The following CIB1 variants were observed in gnomAD, a reference collection of about 807,000 sequenced individuals.
The protein encoded by CIB1 is calcium and integrin-binding protein 1.
In CIB1, 19 loss-of-function variants were observed where a neutral mutation model predicts 25.0. That is an observed-to-expected ratio of 0.76 (90% CI 0.53 to 1.12). The LOEUF is 1.12. Among genes scored for constraint, CIB1 ranks in the 50% most tolerant of loss-of-function variants. The pLI is 0.00. For missense variants in CIB1, 236 were observed against 242.6 expected (o/e 0.97, Z 0.18); for synonymous variants, 104 against 98.5 (o/e 1.06, Z -0.33).
Position 90,230,941 on chromosome 15 carries a change from A to G in CIB1, c.547T>C (p.Phe183Leu), listed in dbSNP as rs1292530632. Residue 183 changes from phenylalanine to leucine, a missense_variant, in exon 6 of 7, where the codon TTT becomes CTT. Physicochemically the swap from Phe to Leu is conservative, Grantham distance 22. Transcript: ENST00000328649. Reference protein sequence around the residue: ...FQHVISRSPDFASSFKIVL With the variant: ...FQHVISRSPDLASSFKIVL The stretch of plus-strand genomic sequence containing the variant: ...GGGGGACCACTGTCATACCTGGCAA[A>G]GTCTGGAGAACGGGAGATGACGTGC... 1.9e-6 allele frequency: 3 copies of G among 1,613,976 alleles called. No individual in the cohort carries two copies. Among genetic ancestry groups the G allele is most frequent in the Non-Finnish European group, 2.5e-6 (3 of 1,179,884 alleles).
At chr15:90,263,241 G>T in the CIB1 span, 8 of 1,138,474 alleles carry the variant, frequency 7.0e-6, no homozygotes, top group Admixed American at 1.7e-4. Context: ...TTGTGTGATG[G>T]TATCTGTCAG....
In CIB1 at chr15:90,231,080, T is replaced by C; in HGVS notation, c.465+15A>G. Reference sequence around the variant, plus strand: ...AACTGCTCCCTCCCGCTCCCAGGCCTGCTCAGCTGCTCACGTTGTCGATGA... The same window carrying C: ...AACTGCTCCCTCCCGCTCCCAGGCCCGCTCAGCTGCTCACGTTGTCGATGA... On this transcript the variant is annotated intron_variant, in intron 5 of 6. Coordinates refer to ENST00000328649, the MANE Select transcript of CIB1 (RefSeq NM_006384.4). The C allele has an allele frequency of 6.2e-7, 1 of 1,613,840 alleles. No individual in the cohort carries two copies. Among genetic ancestry groups the C allele is most frequent in the East Asian group, 2.2e-5 (1 of 44,886 alleles).
At chr15:90,254,817 G>T in the CIB1 span, among the ~76,000 whole-genome samples, 3 of 152,168 alleles carry the variant, frequency 2.0e-5, no homozygotes, top group Non-Finnish European at 4.4e-5. Context: ...CTGCACTCCA[G>T]CCTGGGCGAC....
At chr15:90,256,793 A>G in the CIB1 span, among the ~76,000 whole-genome samples, 6 of 151,684 alleles carry the variant, frequency 4.0e-5, no homozygotes, top group East Asian at 3.9e-4. Flanking sequence ...GGTTCAAGCA[A>G]TTCTCTGCCT....
chr15:90,231,656 C>T, intron 3 of CIB1, 149 bp from the exon 4 acceptor site: 1 of 883,012 alleles, frequency 1.1e-6, no homozygotes, highest in South Asian at 1.8e-5. Context: ...ACATGGAGGG[C>T]AGTGGGGGCA....
At chr15:90,259,165 C>A in the CIB1 span, 2 of 709,398 alleles carry the variant, frequency 2.8e-6, no homozygotes, top group Non-Finnish European at 4.2e-6. Context: ...GAGTTCAACA[C>A]CAGACTGGGC....
chr15:90,232,011 G>C (rs1350213963), intron 3 of CIB1, among the ~76,000 whole-genome samples: 1 of 152,198 alleles, frequency 6.6e-6, no homozygotes, highest in East Asian at 1.9e-4. Context: ...TTATGTTCTA[G>C]AATCCCCATT....
chr15:90,244,738 G>C, the CIB1 span: 1 of 152,314 alleles, frequency 6.6e-6, no homozygotes, highest in Non-Finnish European at 1.5e-5. Context: ...AGAATCACTT[G>C]AACCCAGGAG....
chr15:90,235,440 G>A (rs78721333), upstream of CIB1, among the ~76,000 whole-genome samples: 3,711 of 152,112 alleles, frequency 0.024, 144 homozygotes, highest in African/African-American at 0.081. Flanking sequence ...GTTAAACCTG[G>A]GAGCTGGAGG....
At chr15:90,257,195 T>C in the CIB1 span, 2 of 1,613,830 alleles carry the variant, frequency 1.2e-6, no homozygotes, top group East Asian at 2.2e-5. Context: ...GATCACATCC[T>C]GTGACCCTCT....
At chr15:90,259,092 G>C in the CIB1 span, 1 of 1,427,538 alleles carries the variant, frequency 7.0e-7, no homozygotes, top group Admixed American at 2.3e-5. Flanking sequence ...ACCAGGCTTG[G>C]TGGCTCATAT....
At chr15:90,241,638 T>A in the CIB1 span, 1 of 1,614,160 alleles carries the variant, frequency 6.2e-7, no homozygotes. Context: ...TGGAGGCCAT[T>A]TGCATCTGCT....
chr15:90,262,258 C>T, the CIB1 span: 1 of 1,411,886 alleles, frequency 7.1e-7, no homozygotes, highest in Non-Finnish European at 9.3e-7. Context: ...CATTGCTTCC[C>T]AGCAGGGAAA....
At chr15:90,240,589 G>T in the CIB1 span, among the ~76,000 whole-genome samples, 1 of 152,050 alleles carries the variant, frequency 6.6e-6, no homozygotes, top group Non-Finnish European at 1.5e-5. Context: ...AAGGCAAAGG[G>T]ATCACCCGAT....
the CIB1 span, among the ~76,000 whole-genome samples, chr15:90,260,467 A>T: frequency 6.6e-6 from 1 of 152,352 alleles, no homozygotes; most frequent in South Asian, 2.1e-4. Flanking sequence ...ACTGCACTCC[A>T]GCCTGGACGA....
chr15:90,255,141 C>T, the CIB1 span, among the ~76,000 whole-genome samples: 314 of 152,320 alleles, frequency 2.1e-3, 2 homozygotes, highest in African/African-American at 6.5e-3. Flanking sequence ...TCTTTTCCAA[C>T]GGAAAGATTC....
chr15:90,261,227 C>T, the CIB1 span, among the ~76,000 whole-genome samples: 5 of 151,426 alleles, frequency 3.3e-5, no homozygotes, highest in Non-Finnish European at 5.9e-5. Flanking sequence ...TACAGGCACA[C>T]GCCACCAAGC....
chr15:90,265,303 C>A, the CIB1 span: 1 of 1,215,052 alleles, frequency 8.2e-7, no homozygotes, highest in Non-Finnish European at 1.0e-6. Context: ...ACAATGAGCC[C>A]CTTTCCCAGA....
chr15:90,263,635 A>G, the CIB1 span: 1 of 598,540 alleles, frequency 1.7e-6, no homozygotes, highest in Non-Finnish European at 3.0e-6. Flanking sequence ...ATCTGGTTAA[A>G]TAGTGGCCGC....
Sources: gnomAD v4.1 joint callset for allele counts (sites outside exome capture counted in the v4.1 genomes callset) on GRCh38, gnomAD v4.1.1 for gene constraint, MANE v1.5 for transcripts, NCBI Gene and HGNC (gene_info 2026-07-23, HGNC 2026-07-21) for gene names.